PACRG: variants seen among roughly 807,000 people sequenced by gnomAD.
PACRG encodes parkin coregulated gene protein.
A neutral mutation model predicts 29.7 loss-of-function variants in PACRG; 29 were observed. The observed-to-expected ratio is 0.98, with a 90% confidence interval of 0.73 to 1.33. The LOEUF (loss-of-function observed/expected upper bound fraction) is 1.33. PACRG is among the 40% of genes most tolerant of loss of function. The probability of loss-of-function intolerance (pLI) is 0.00; values close to 1 mark genes in which losing one functional copy is unlikely to be tolerated. For synonymous variants in PACRG, 116 were observed against 118.7 expected (o/e 0.98, Z 0.15); for missense variants, 279 against 316.2 (o/e 0.88, Z 0.89).
intron 2 of PACRG, among the ~76,000 whole-genome samples, chr6:163,020,962 C>A (rs967829399): frequency 6.6e-6 from 1 of 151,984 alleles, no homozygotes; most frequent in East Asian, 1.9e-4. Context: ...CTGCACCTCC[C>A]TCCATGGCTT....
chr6:163,152,338 T>C (rs1778127759), intron 4 of PACRG, among the ~76,000 whole-genome samples: 1 of 152,214 alleles, frequency 6.6e-6, no homozygotes, highest in Non-Finnish European at 1.5e-5. Flanking sequence ...CAAACTTCTC[T>C]CGAAATCCTG....
At chr6:162,765,562 C>T (rs933606175) in intron 1 of PACRG, among the ~76,000 whole-genome samples, 1 of 152,080 alleles carries the variant, frequency 6.6e-6, no homozygotes, top group African/African-American at 2.4e-5. Flanking sequence ...TGATTTTAGC[C>T]TCTTGTTTGT....
At chr6:162,958,884 TAGAG>T (rs200270873) in intron 2 of PACRG, among the ~76,000 whole-genome samples, 157 of 20,890 alleles carry the variant, frequency 7.5e-3, no homozygotes, top group Admixed American at 8.5e-3. Context: ...TATATATATA[TAGAG>T]AGAGAGAGAG....
At chr6:162,844,241 A>C (rs1341658633) in intron 2 of PACRG, among the ~76,000 whole-genome samples, 16 of 152,052 alleles carry the variant, frequency 1.1e-4, no homozygotes, top group African/African-American at 3.9e-4. Context: ...TGTGCTAGCA[A>C]CCAGCGAGAC....
At chr6:162,780,795 A>T (rs1784037087) in intron 1 of PACRG, among the ~76,000 whole-genome samples, 1 of 152,128 alleles carries the variant, frequency 6.6e-6, no homozygotes, top group Non-Finnish European at 1.5e-5. Flanking sequence ...CACGTTAGAT[A>T]TTGCAGAAGA....
intron 2 of PACRG, among the ~76,000 whole-genome samples, chr6:162,994,463 C>A (rs1311409419): frequency 6.0e-5 from 9 of 150,200 alleles, no homozygotes; most frequent in South Asian, 4.2e-4. Flanking sequence ...TTTTCTCTAA[C>A]CTTCCCTTCT....
chr6:162,758,810 A>T (rs960486484), intron 1 of PACRG, among the ~76,000 whole-genome samples: 2 of 152,212 alleles, frequency 1.3e-5, no homozygotes, highest in East Asian at 1.9e-4. Context: ...TTTTATTCAT[A>T]TGAGGATATA....
rs551346780 is a variant in PACRG, at chr6:163,160,125, G to C, written c.613+70717G>C. ...ATTACTCTGCATGGGTCTGTCCTCT[G>C]TCAAGTCCAAGACATGGATTCATTG... On this transcript the variant is annotated intron_variant, in intron 4 of 4. Coordinates refer to ENST00000366888, the MANE Select transcript of PACRG (RefSeq NM_001080379.2). 1.4e-3 allele frequency among the ~76,000 whole-genome samples: 219 copies of C among 152,314 alleles called. 1 individual carries two copies. The highest frequency in any genetic ancestry group is 9.9e-3 in the South Asian group (48 of 4,826).
intron 2 of PACRG, among the ~76,000 whole-genome samples, chr6:163,061,438 A>C (rs1811087685): frequency 6.6e-6 from 1 of 152,126 alleles, no homozygotes; most frequent in South Asian, 2.1e-4. Flanking sequence ...TGGACAGGGG[A>C]CATGGAGGGA....
chr6:162,741,579 C>A (rs1207276173), intron 1 of PACRG, among the ~76,000 whole-genome samples: 1 of 152,142 alleles, frequency 6.6e-6, no homozygotes, highest in Non-Finnish European at 1.5e-5. Context: ...ATTCTCAAGA[C>A]CTATTCTAAC....
chr6:162,910,553 A>G (rs914870754), intron 2 of PACRG, among the ~76,000 whole-genome samples: 1 of 152,196 alleles, frequency 6.6e-6, no homozygotes, highest in Non-Finnish European at 1.5e-5. Context: ...TTTCATTTGA[A>G]TTGAAAAAAA....
intron 4 of PACRG, among the ~76,000 whole-genome samples, chr6:163,272,941 G>A (rs1376884788): frequency 8.0e-6 from 1 of 124,244 alleles, no homozygotes; most frequent in Non-Finnish European, 1.6e-5. Context: ...GCCCAGGCTG[G>A]AGTGCAGTGG....
chr6:163,149,804 G>T (rs1230646515), intron 4 of PACRG, among the ~76,000 whole-genome samples: 1 of 152,180 alleles, frequency 6.6e-6, no homozygotes, highest in Admixed American at 6.5e-5. Flanking sequence ...CCTGCCAGCA[G>T]CGCAGATCCT....
At chr6:162,850,647 G>C (rs1304231356) in intron 2 of PACRG, among the ~76,000 whole-genome samples, 2 of 152,096 alleles carry the variant, frequency 1.3e-5, no homozygotes, top group Non-Finnish European at 2.9e-5. Flanking sequence ...TTCCTGGAGG[G>C]TGGATCACCT....
intron 2 of PACRG, among the ~76,000 whole-genome samples, chr6:162,873,087 T>C (rs1189942081): frequency 2.0e-5 from 3 of 152,372 alleles, no homozygotes; most frequent in Admixed American, 1.3e-4. Context: ...ACGCTTAGCT[T>C]GGGCTTTCTG....
chr6:162,967,154 C>T (rs1390992659), intron 2 of PACRG, among the ~76,000 whole-genome samples: 1 of 151,872 alleles, frequency 6.6e-6, no homozygotes, highest in Non-Finnish European at 1.5e-5. Context: ...GAAATTAATG[C>T]TTGCCTTAAT....
intron 4 of PACRG, chr6:163,191,607 G>A (rs1271669085): frequency 2.2e-6 from 1 of 455,962 alleles, no homozygotes; most frequent in Non-Finnish European, 4.4e-6. Flanking sequence ...CTCACGAGCT[G>A]AGACCTCCTG....
intron 4 of PACRG, among the ~76,000 whole-genome samples, chr6:163,254,511 T>C (rs1783033105): frequency 6.6e-6 from 1 of 152,188 alleles, no homozygotes; most frequent in African/African-American, 2.4e-5. Context: ...ACCTGAGCCC[T>C]CCCGTCAGCA....
intron 1 of PACRG, among the ~76,000 whole-genome samples, chr6:162,792,757 G>A (rs2128328762): frequency 6.6e-6 from 1 of 152,346 alleles, no homozygotes; most frequent in East Asian, 1.9e-4. Flanking sequence ...GGAAGGGTAT[G>A]CAAAAGAGGT....
Sources: allele counts gnomAD v4.1 joint callset (sites outside exome capture counted in the v4.1 genomes callset), GRCh38; gene constraint gnomAD v4.1.1; transcripts MANE v1.5; gene names NCBI Gene and HGNC (gene_info 2026-07-23, HGNC 2026-07-21).